The following RXFP1 variants were observed in gnomAD, a reference collection of about 807,000 sequenced individuals.
The protein encoded by RXFP1 is relaxin receptor 1.
Under a neutral mutation model 89.8 loss-of-function variants are expected in RXFP1, and 73 were observed. The observed-to-expected ratio is 0.81, with a 90% CI of 0.67 to 0.99. RXFP1 has a LOEUF of 0.99. RXFP1 is among the 50% of genes least tolerant of loss of function. The pLI is 0.00. For missense variants in RXFP1, 793 were observed against 895.5 expected (o/e 0.89, Z 1.46); for synonymous variants, 277 against 305.5 (o/e 0.91, Z 0.97).
intron 10 of RXFP1, 113 bp from the exon 11 acceptor site, chr4:158,628,525 G>A: frequency 4.6e-6 from 2 of 438,326 alleles, no homozygotes; most frequent in South Asian, 1.2e-4. Flanking sequence ...ATGTCTTTAT[G>A]TGAAAAATGT....
intron 2 of RXFP1, among the ~76,000 whole-genome samples, chr4:158,585,179 T>C (rs890569292): frequency 1.6e-4 from 24 of 152,214 alleles, no homozygotes; most frequent in Admixed American, 2.6e-4. Context: ...ATAGGTGTCA[T>C]ATGGAAAGAG....
intron 1 of RXFP1, among the ~76,000 whole-genome samples, chr4:158,540,147 A>G (rs6846487): frequency 0.96 from 146,023 of 152,204 alleles, 70,299 homozygotes; most frequent in East Asian, 1. Context: ...AATTTGGGGC[A>G]AGTCCATAAA....
chr4:158,599,156 A>G, intron 3 of RXFP1, 170 bp from the exon 4 acceptor site: 1 of 1,015,244 alleles, frequency 9.8e-7, no homozygotes, highest in South Asian at 1.8e-5. Flanking sequence ...GTTAAATTAA[A>G]AGCAAACTTT....
intron 17 of RXFP1, among the ~76,000 whole-genome samples, chr4:158,651,148 A>T (rs993969780): frequency 6.6e-6 from 1 of 152,116 alleles, no homozygotes; most frequent in Non-Finnish European, 1.5e-5. Flanking sequence ...AAAAACAAAG[A>T]GTAATGACAG....
rs759282126 is a variant in RXFP1, at chr4:158,612,304, A to T, written c.622A>T (p.Asn208Tyr). Residue 208 changes from asparagine (N) to tyrosine (Y), a missense_variant, in exon 8 of 18, where the codon AAT becomes TAT. Asn to Tyr is a moderately radical substitution (Grantham distance 143, BLOSUM62 -2). Coordinates refer to ENST00000307765, the MANE Select transcript of RXFP1 (RefSeq NM_021634.4). The part of the protein sequence containing the change: ...HRLEWLIIED[N>Y]HLSRISPPTF... The stretch of plus-strand genomic sequence containing the variant: ...TCTGGCTGTCAGGATAATTGAAGAT[A>T]ATCACCTCAGTCGAATTTCCCCACC... 3.1e-6 allele frequency: 5 copies of T among 1,612,284 alleles called. No individual in the cohort carries two copies. Among genetic ancestry groups the T allele is most frequent in the Non-Finnish European group, 4.2e-6 (5 of 1,178,938 alleles).
intron 1 of RXFP1, among the ~76,000 whole-genome samples, chr4:158,522,618 C>G (rs1198714134): frequency 6.6e-6 from 1 of 152,144 alleles, no homozygotes; most frequent in Non-Finnish European, 1.5e-5. Flanking sequence ...TTTGTTTTCT[C>G]TGTGTGTGCT....
intron 9 of RXFP1, among the ~76,000 whole-genome samples, chr4:158,625,965 TAA>T (rs1766615655): frequency 6.6e-6 from 1 of 152,014 alleles, no homozygotes; most frequent in African/African-American, 2.4e-5. Context: ...AGAGGAACAA[TAA>T]AAGAGTAACT....
intron 1 of RXFP1, among the ~76,000 whole-genome samples, chr4:158,562,549 A>AAAAAAAAAAAAC (rs1433332353): frequency 1.3e-5 from 2 of 148,840 alleles, no homozygotes; most frequent in Non-Finnish European, 3.0e-5. Context: ...AAAAAAAAAA[A>AAAAAAAAAAAAC]AATACACATA....
chr4:158,521,944 A>G lies in RXFP1; in HGVS notation c.-33A>G, dbSNP rs182996100. The stretch of plus-strand genomic sequence containing the variant: ...CAGAAACCAAGACCAAATTTTGCTC[A>G]CTTTCATTAATCAGTTGCTCAGATA... On this transcript the variant is annotated 5_prime_UTR_variant, in exon 1 of 18. Coordinates refer to ENST00000307765, the MANE Select transcript of RXFP1 (RefSeq NM_021634.4). The G allele has an allele frequency of 1.0e-5, 16 of 1,579,864 alleles. No homozygotes were observed. The highest frequency in any genetic ancestry group is 1.4e-5 in the Non-Finnish European group (16 of 1,153,208).
chr4:158,543,141 C>T (rs1747258968), intron 1 of RXFP1, among the ~76,000 whole-genome samples: 8 of 152,150 alleles, frequency 5.3e-5, no homozygotes, highest in Admixed American at 5.2e-4. Flanking sequence ...TGCACACACT[C>T]CAGAAGTAAG....
At chr4:158,644,782 T>TTA (rs1309422489) in intron 14 of RXFP1, 127 bp from the exon 15 acceptor site, 2 of 660,760 alleles carry the variant, frequency 3.0e-6, no homozygotes, top group African/African-American at 3.6e-5. Flanking sequence ...ATCCCTAATG[T>TTA]TTTAGTCCTC....
At chr4:158,538,847 A>T (rs1339314686) in intron 1 of RXFP1, among the ~76,000 whole-genome samples, 1 of 152,062 alleles carries the variant, frequency 6.6e-6, no homozygotes, top group Non-Finnish European at 1.5e-5. Context: ...ATGGTCATAT[A>T]ATCTATGACT....
chr4:158,563,816 A>T (rs930625673), intron 1 of RXFP1, among the ~76,000 whole-genome samples: 2 of 150,272 alleles, frequency 1.3e-5, no homozygotes, highest in African/African-American at 4.9e-5. Context: ...TCACCTAGTG[A>T]CATTGTAGCC....
Position 158,606,590 on chromosome 4 carries a change from AT to A in RXFP1, c.465-1373del, listed in dbSNP as rs1171938352. Among the ~76,000 whole-genome samples, 143 of 151,308 alleles carry A rather than the reference AT, an allele frequency of 9.5e-4. 2 individuals are homozygous for A. Among genetic ancestry groups the A allele is most frequent in the Admixed American group, 4.4e-3 (66 of 15,152 alleles). On this transcript the variant is annotated intron_variant, in intron 5 of 17. Transcript: ENST00000307765. ...GCATGTCCGGTTCAGGTGCATAATA[AT>A]TTTTTTTTAAGAGACAGGGTCTCAC...
intron 4 of RXFP1, among the ~76,000 whole-genome samples, chr4:158,600,387 G>A (rs1206641187): frequency 1.3e-5 from 2 of 152,156 alleles, no homozygotes; most frequent in South Asian, 2.1e-4. Context: ...AATTTGTGGT[G>A]GCCAGGGAAT....
intron 1 of RXFP1, among the ~76,000 whole-genome samples, chr4:158,529,236 G>C (rs1348149758): frequency 2.5e-5 from 1 of 39,778 alleles, no homozygotes; most frequent in East Asian, 2.3e-3. Context: ...TTTTTTGCTT[G>C]CTTGTTTTTT....
chr4:158,630,895 ATT>A (rs898173483), intron 11 of RXFP1, among the ~76,000 whole-genome samples: 3 of 152,346 alleles, frequency 2.0e-5, no homozygotes, highest in African/African-American at 4.8e-5. Context: ...GACAAAGAGG[ATT>A]CACTTGTCAC....
rs992748035 is a variant in RXFP1 at position 158,553,107 on chromosome 4, T to A, written c.50-19591T>A. Among the ~76,000 whole-genome samples, 6 of 152,118 alleles carry A rather than the reference T, an allele frequency of 3.9e-5. 1 individual carries two copies. The South Asian group carries it at 8.3e-4, about 21-fold the overall frequency. On this transcript the variant is annotated intron_variant, in intron 1 of 17. Coordinates refer to ENST00000307765, the MANE Select transcript of RXFP1 (RefSeq NM_021634.4). ...GGGAGGCTGGGGTGGGAGGATCACC[T>A]GAGCCCAGGGGTTTGAGGCTGCAGT...
chr4:158,564,476 C>T (rs2149958110), intron 1 of RXFP1, among the ~76,000 whole-genome samples: 1 of 152,320 alleles, frequency 6.6e-6, no homozygotes, highest in Admixed American at 6.5e-5. Flanking sequence ...GCTGGAAACT[C>T]AGTGCTGGAA....
Sources: allele counts gnomAD v4.1 joint callset (sites outside exome capture counted in the v4.1 genomes callset), GRCh38; gene constraint gnomAD v4.1.1; transcripts MANE v1.5; gene names NCBI Gene and HGNC (gene_info 2026-07-23, HGNC 2026-07-21).